The following LAMA5 variants were observed in gnomAD, a reference collection of about 807,000 sequenced individuals.
LAMA5 encodes the protein laminin subunit alpha-5.
In LAMA5, 260 loss-of-function variants were observed where a neutral mutation model predicts 433.4. The observed-to-expected ratio is 0.60, with a 90% CI of 0.54 to 0.66. The LOEUF is 0.66. LAMA5 is among the 30% of genes least tolerant of loss of function. LAMA5 has a pLI of 0.00. For missense variants in LAMA5, 5,378 were observed against 5,258.5 expected, an observed-to-expected ratio of 1.02 and a Z score of -0.70; for synonymous variants, 2,620 against 2,226.6, an observed-to-expected ratio of 1.18 and a Z score of -4.97.
At chr20:62,347,762 T>C (rs1983608471) in intron 6 of LAMA5, among the ~76,000 whole-genome samples, 1 of 152,202 alleles carries the variant, frequency 6.6e-6, no homozygotes, top group African/African-American at 2.4e-5. Flanking sequence ...TGCCGGAGGC[T>C]GCAGGGCCGT....
rs1985691819 is a variant in LAMA5, at chr20:62,359,332, C to T, written c.450+3068G>A. Reference sequence around the variant, plus strand: ...CCCACTCACCCTGCCCAGCTCCTTACAACCTGGGCCCGCTGGGCTAGCGTG... The same window carrying T: ...CCCACTCACCCTGCCCAGCTCCTTATAACCTGGGCCCGCTGGGCTAGCGTG... On this transcript the variant is annotated intron_variant, in intron 2 of 79. Transcript: ENST00000252999. This position sits in a 1 kb window ranked among gnomAD's most constrained non-coding sequence, Gnocchi z 4.3. Among the ~76,000 whole-genome samples the T allele has an allele frequency of 1.3e-5, 2 of 152,200 alleles. No individual in the cohort carries two copies. Among genetic ancestry groups the T allele is most frequent in the Non-Finnish European group, 2.9e-5 (2 of 68,036 alleles).
rs1980233666 is a variant in LAMA5, at chr20:62,330,801, G to A, written c.3794C>T (p.Pro1265Leu). The A allele has an allele frequency of 6.4e-7, 1 of 1,559,120 alleles. No individual in the cohort carries two copies. The highest frequency in any genetic ancestry group is 8.7e-7 in the Non-Finnish European group (1 of 1,152,964). Residue 1265 changes from proline (P) to leucine (L), a missense_variant, in exon 30 of 80, where the codon CCT becomes CTT. Coordinates refer to ENST00000252999, the MANE Select transcript of LAMA5 (RefSeq NM_005560.6). ...AGGGTCCACAGCGGTGGGGGGCCGA[G>A]GTCGGGGTCCAGCTGGGGACATGGC... ...TPAMSPAGPR[P>L]RPPTAVDPDA...
chr20:62,313,727 G>A lies in LAMA5; in HGVS notation c.8580C>T (p.Ala2860=), dbSNP rs756209000. The part of the protein sequence containing the change: ...MIQETKGDTV[A]PGAEGLLNLR... ...GGTTGAGCAGCCCCTCTGCCCCAGGGGCCACCGTGTCACCCTTGGTTTCCT... is the reference window on the plus strand; with the variant it reads ...GGTTGAGCAGCCCCTCTGCCCCAGGAGCCACCGTGTCACCCTTGGTTTCCT... Residue 2860 remains alanine (A), a synonymous_variant, in exon 63 of 80, where the codon GCC becomes GCT. Transcript: ENST00000252999. 4.0e-5 allele frequency: 65 copies of A among 1,612,926 alleles called. 1 individual carries two copies. The South Asian group carries it at 7.0e-4, about 17-fold the overall frequency.
At chr20:62,351,316 C>T in intron 6 of LAMA5, 1 of 312,722 alleles carries the variant, frequency 3.2e-6, no homozygotes. Flanking sequence ...GGCACCTGTC[C>T]ATTCCGGGGG....
chr20:62,337,467 G>T, intron 16 of LAMA5, 123 bp downstream of exon 16: 2 of 1,303,214 alleles, frequency 1.5e-6, no homozygotes, highest in African/African-American at 1.5e-5. Flanking sequence ...GCGTGGGGAC[G>T]CAGTCGCAGT....
intron 11 of LAMA5, among the ~76,000 whole-genome samples, chr20:62,344,232 C>T (rs1432712634): frequency 2.0e-5 from 3 of 151,640 alleles, no homozygotes; most frequent in African/African-American, 7.3e-5. Context: ...CTTGTATGTC[C>T]CGTCATGAAA....
At chr20:62,362,308 G>A (rs1464039801) in intron 2 of LAMA5, 92 bp downstream of exon 2, 145 of 1,268,548 alleles carry the variant, frequency 1.1e-4, no homozygotes, top group Non-Finnish European at 1.5e-4. Flanking sequence ...GCTCACGGTG[G>A]AGACCTCGCC....
At chr20:62,316,406 A>C in intron 57 of LAMA5, 1 of 532,682 alleles carries the variant, frequency 1.9e-6, no homozygotes, top group South Asian at 2.6e-5. Flanking sequence ...GAGGCCACGT[A>C]TCTCTTGCCC....
rs527675374 is a variant in LAMA5, at chr20:62,312,277, G to A, written c.9400C>T (p.Arg3134Cys). Residue 3134 changes from arginine (R) to cysteine (C), a missense_variant, in exon 69 of 80, where the codon CGC becomes TGC. Arg to Cys is a radical substitution (Grantham distance 180). Coordinates refer to ENST00000252999, the MANE Select transcript of LAMA5 (RefSeq NM_005560.6). ...AMTFHGHGFL[R>C]LALSNVAPLT... Reference sequence around the variant, plus strand: ...GGTGCCACGTTCGAGAGCGCCAGGCGAAGGAAGCCGTGGCCATGGAAAGTC... The same window carrying A: ...GGTGCCACGTTCGAGAGCGCCAGGCAAAGGAAGCCGTGGCCATGGAAAGTC... 3.7e-5 allele frequency: 60 copies of A among 1,611,246 alleles called. No homozygotes were observed. In the Middle Eastern group the frequency reaches 8.3e-4, roughly 22 times the overall value.
intron 31 of LAMA5, 138 bp from the exon 32 acceptor site, chr20:62,330,054 G>A (rs1980065370): frequency 2.4e-6 from 3 of 1,261,516 alleles, no homozygotes; most frequent in South Asian, 1.5e-5. Flanking sequence ...GTGCCCAAGA[G>A]GTCTGCAAGG....
rs1488598768 is a variant in LAMA5, at chr20:62,318,953, T to G, written c.6932A>C (p.Gln2311Pro). 1.3e-6 allele frequency: 2 copies of G among 1,597,028 alleles called. No individual in the cohort carries two copies. The highest frequency in any genetic ancestry group is 1.7e-6 in the Non-Finnish European group (2 of 1,174,086). ...LANASAPSGEQLLRTLAEVER... is the reference protein window; with the variant it reads ...LANASAPSGEPLLRTLAEVER... ...CACCTCGGCCAGTGTCCGGAGCAGC[T>G]GCTCACCTGATGGAGCCGAGGCATT... The change falls in exon 52 of 80, where the codon CAG becomes CCG. Residue 2311 changes from glutamine to proline, a missense_variant. By Grantham distance (76) the Gln-to-Pro change is moderately conservative (BLOSUM62 -1). Transcript: ENST00000252999.
At chr20:62,317,212 G>C in intron 55 of LAMA5, 133 bp downstream of exon 55, 1 of 1,203,342 alleles carries the variant, frequency 8.3e-7, no homozygotes, top group Non-Finnish European at 1.1e-6. Flanking sequence ...TTGCCGTGGA[G>C]CTGAGGAAGG....
In LAMA5 at chr20:62,367,039, C is replaced by T. The variant is rs955773951; in HGVS notation, c.207G>A (p.Pro69=). 1.0e-5 allele frequency: 13 copies of T among 1,256,302 alleles called. No homozygotes were observed. Among genetic ancestry groups the T allele is most frequent in the African/African-American group, 1.7e-5 (1 of 57,330 alleles). 77.8% of individuals were successfully genotyped at this position (1,256,302 alleles called of 1,614,324 possible). A position where few individuals can be genotyped will look rare whatever the true frequency, so the allele number is the denominator to read the frequency against. ...AASATCGEEA[P]ARGSPRPTED... is the part of the protein sequence containing the mutation. ...CGGTGGGGCGCGGGGAGCCGCGCGC[C>T]GGGGCCTCCTCTCCGCAGGTCGCGG... Residue 69 remains proline, a synonymous_variant, in exon 1 of 80, where the codon CCG becomes CCA. Transcript: ENST00000252999.
intron 6 of LAMA5, among the ~76,000 whole-genome samples, chr20:62,350,730 G>C (rs151296654): frequency 1.3e-5 from 2 of 152,248 alleles, no homozygotes; most frequent in African/African-American, 4.8e-5. Flanking sequence ...CCCCATGCCT[G>C]CACTGCCACC....
intron 11 of LAMA5, among the ~76,000 whole-genome samples, chr20:62,343,579 C>A (rs949507055): frequency 2.0e-5 from 3 of 152,010 alleles, no homozygotes; most frequent in African/African-American, 4.8e-5. Flanking sequence ...AGTTCGAGAC[C>A]AGCCTGACCA....
chr20:62,309,109 G>A lies in LAMA5; in HGVS notation c.*227C>T, dbSNP rs759640286. 4 of 604,454 alleles carry A rather than the reference G, an allele frequency of 6.6e-6. No individual in the cohort carries two copies. The African/African-American group carries it at 7.5e-5, about 11-fold the overall frequency. The allele number at this position is 604,454 out of a possible 1,614,324, so 37.4% of individuals were successfully genotyped here. ...TAATTTTTAAGGAGGAACCAGTGAT[G>A]ATTGGTGACAAATCTCTCACAATTA... On this transcript the variant is annotated 3_prime_UTR_variant, in exon 80 of 80. Coordinates refer to ENST00000252999, the MANE Select transcript of LAMA5 (RefSeq NM_005560.6).
chr20:62,359,427 C>T lies in LAMA5; in HGVS notation c.450+2973G>A, dbSNP rs962537463. 3.3e-5 allele frequency among the ~76,000 whole-genome samples: 5 copies of T among 152,116 alleles called. No homozygotes were observed. Among genetic ancestry groups the T allele is most frequent in the South Asian group, 2.1e-4 (1 of 4,828 alleles). ...GGGTGGGGGAGCTCAAGCCAGGACC[C>T]GCTGGCCATGTGCCTGGGCAGTCAT... is the stretch of plus-strand genomic sequence containing the variant. On this transcript the variant is annotated intron_variant, in intron 2 of 79. Coordinates refer to ENST00000252999, the MANE Select transcript of LAMA5 (RefSeq NM_005560.6). This position sits in a 1 kb window ranked among gnomAD's most constrained non-coding sequence, Gnocchi z 4.3.
chr20:62,360,245 G>A (rs1365268680), intron 2 of LAMA5, among the ~76,000 whole-genome samples: 4 of 137,594 alleles, frequency 2.9e-5, no homozygotes, highest in Non-Finnish European at 4.7e-5. Context: ...AGGTGTGGAG[G>A]GAGGAATGAG....
chr20:62,347,441 G>A (rs754980162), intron 6 of LAMA5, among the ~76,000 whole-genome samples: 21 of 152,052 alleles, frequency 1.4e-4, no homozygotes, highest in African/African-American at 1.4e-4. Context: ...TTTCCACTTC[G>A]GCCAGGACTC....
Sources: gnomAD v4.1 joint callset for allele counts (sites outside exome capture counted in the v4.1 genomes callset) on GRCh38, gnomAD v4.1.1 for gene constraint, Gnocchi (gnomAD v3.1) non-coding constraint, MANE v1.5 for transcripts, NCBI Gene and HGNC (gene_info 2026-07-23, HGNC 2026-07-21) for gene names.